Variants in DLG1 observed in about 807,000 individuals in gnomAD.
The protein encoded by DLG1 is discs large MAGUK scaffold protein 1, also known as disks large homolog 1.
In DLG1, 42 loss-of-function variants were observed where a neutral mutation model predicts 123.4. That is an observed-to-expected ratio of 0.34 (90% CI 0.27 to 0.44). The LOEUF (loss-of-function observed/expected upper bound fraction) is 0.44. Among genes scored for constraint, DLG1 ranks in the 20% least tolerant of loss-of-function variants. The probability of loss-of-function intolerance (pLI) is 1.00; values close to 1 mark genes in which losing one functional copy is unlikely to be tolerated. For synonymous variants in DLG1, 317 were observed against 356.2 expected, an observed-to-expected ratio of 0.89 and a Z score of 1.24; for missense variants, 942 against 1,082.6, an observed-to-expected ratio of 0.87 and a Z score of 1.82.
intron 18 of DLG1, among the ~76,000 whole-genome samples, chr3:197,076,215 G>A (rs977100419): frequency 2.6e-5 from 4 of 152,034 alleles, no homozygotes; most frequent in African/African-American, 4.8e-5. Context: ...TATCAGACTC[G>A]CCATGTTATA....
chr3:197,189,632 G>A (rs1040884256), intron 5 of DLG1, among the ~76,000 whole-genome samples: 3 of 152,176 alleles, frequency 2.0e-5, no homozygotes, highest in Non-Finnish European at 4.4e-5. Flanking sequence ...GACTGATCCT[G>A]TTAATACCTA....
chr3:197,061,493 T>C (rs193274282), intron 22 of DLG1, among the ~76,000 whole-genome samples: 3 of 152,326 alleles, frequency 2.0e-5, no homozygotes, highest in Non-Finnish European at 2.9e-5. Context: ...AGTAAAAAAA[T>C]GTCCTGGTCA....
At chr3:197,222,609 A>T (rs1426661132) in intron 4 of DLG1, among the ~76,000 whole-genome samples, 1 of 152,198 alleles carries the variant, frequency 6.6e-6, no homozygotes, top group African/African-American at 2.4e-5. Flanking sequence ...GCAAGGAGAT[A>T]CGAACAAGTC....
At chr3:197,128,706 T>G (rs573796152) in intron 11 of DLG1, among the ~76,000 whole-genome samples, 3 of 152,224 alleles carry the variant, frequency 2.0e-5, no homozygotes, top group Admixed American at 6.5e-5. Flanking sequence ...AATTATTCCT[T>G]GATCCATGGA....
chr3:197,297,284 A>G, intron 1 of DLG1, 49 bp from the exon 2 acceptor site: 1 of 1,604,406 alleles, frequency 6.2e-7, no homozygotes, highest in South Asian at 1.1e-5. Context: ...ATGTTAAACT[A>G]GCATTTTCCC....
intron 10 of DLG1, among the ~76,000 whole-genome samples, chr3:197,134,622 G>C (rs923131969): frequency 6.6e-6 from 1 of 152,210 alleles, no homozygotes; most frequent in Non-Finnish European, 1.5e-5. Context: ...GCTCAGTGGA[G>C]AGTCCTGACT....
At chr3:197,114,986 G>C (rs1305230861) in intron 13 of DLG1, among the ~76,000 whole-genome samples, 11 of 32,450 alleles carry the variant, frequency 3.4e-4, no homozygotes, top group Admixed American at 2.1e-3. Flanking sequence ...TCCATCTCAA[G>C]GAAAAAAAAA....
chr3:197,116,139 T>G (rs1773147462), intron 12 of DLG1, 56 bp from the exon 13 acceptor site: 2 of 1,426,074 alleles, frequency 1.4e-6, no homozygotes, highest in Non-Finnish European at 1.9e-6. Context: ...CCTGACATTC[T>G]ATCAGTGAGA....
chr3:197,186,807 G>C (rs977474583), intron 5 of DLG1, among the ~76,000 whole-genome samples: 1 of 152,068 alleles, frequency 6.6e-6, no homozygotes, highest in African/African-American at 2.4e-5. Context: ...TGAACTCCTT[G>C]GCTCAATCCA....
chr3:197,138,144 A>G, intron 9 of DLG1, 78 bp downstream of exon 9: 2 of 806,852 alleles, frequency 2.5e-6, no homozygotes, highest in Non-Finnish European at 3.6e-6. Context: ...CTTGGAATGT[A>G]TGTCACAGAT....
intron 5 of DLG1, among the ~76,000 whole-genome samples, chr3:197,184,511 C>T (rs1381509487): frequency 1.3e-5 from 2 of 152,140 alleles, no homozygotes; most frequent in East Asian, 1.9e-4. Flanking sequence ...GACTATCTAA[C>T]GATAGCGCTT....
At position 197,114,657 on chromosome 3, in the gene DLG1, G is replaced by C. The variant is rs114176069; in HGVS notation, c.1443+1270C>G. 6.6e-5 allele frequency among the ~76,000 whole-genome samples: 10 copies of C among 152,282 alleles called. No individual in the cohort carries two copies. The East Asian group carries it at 9.6e-4, about 15-fold the overall frequency. On this transcript the variant is annotated intron_variant, in intron 13 of 24. Transcript: ENST00000667157. ...TTACAATGACTAGGGAGTTTTACTA[G>C]CATGTAGCATGTATATGAAAGCTTT...
At position 197,088,783 on chromosome 3, in the gene DLG1, A is replaced by G. The variant is rs1429608785; in HGVS notation, c.1661+2129T>C. On this transcript the variant is annotated intron_variant, in intron 15 of 24. Transcript: ENST00000667157. ...AGATACAGAAAGATATTTAGTAGTA[A>G]GAATATGAAAAATCAAATAAAATGC... 2.0e-5 allele frequency among the ~76,000 whole-genome samples: 3 copies of G among 152,372 alleles called. No individual in the cohort carries two copies. The East Asian group carries it at 5.8e-4, about 29-fold the overall frequency.
At chr3:197,183,768 C>T (rs1314795351) in intron 5 of DLG1, 21 of 1,550,334 alleles carry the variant, frequency 1.4e-5, no homozygotes, top group Admixed American at 9.8e-5. Flanking sequence ...TCGACTGCCG[C>T]GAGAGTATAG....
chr3:197,075,672 A>C (rs1214967183), intron 18 of DLG1, among the ~76,000 whole-genome samples: 1 of 152,230 alleles, frequency 6.6e-6, no homozygotes, highest in African/African-American at 2.4e-5. Context: ...GTATTACAGA[A>C]ATAAAGTCCC....
intron 4 of DLG1, among the ~76,000 whole-genome samples, chr3:197,242,463 C>T (rs930688315): frequency 1.3e-5 from 2 of 151,836 alleles, no homozygotes; most frequent in Non-Finnish European, 2.9e-5. Context: ...ACAGAACATT[C>T]CACCCAACTG....
chr3:197,267,317 CAT>C (rs1762090963), intron 4 of DLG1, among the ~76,000 whole-genome samples: 1 of 152,146 alleles, frequency 6.6e-6, no homozygotes, highest in Admixed American at 6.5e-5. Flanking sequence ...AATCAGATAA[CAT>C]ATGCGAACAG....
At chr3:197,051,885 A>G (rs895299312) in intron 23 of DLG1, among the ~76,000 whole-genome samples, 3 of 126,344 alleles carry the variant, frequency 2.4e-5, no homozygotes, top group African/African-American at 3.1e-5. Flanking sequence ...ACTGTCACCC[A>G]GGCTGGAGTG....
At chr3:197,224,722 A>G (rs1738886259) in intron 4 of DLG1, among the ~76,000 whole-genome samples, 1 of 152,220 alleles carries the variant, frequency 6.6e-6, no homozygotes, top group Non-Finnish European at 1.5e-5. Context: ...GTAAAGAGGG[A>G]AAAATGCTTG....
Sources: gnomAD v4.1 joint callset for allele counts (sites outside exome capture counted in the v4.1 genomes callset) on GRCh38, gnomAD v4.1.1 for gene constraint, MANE v1.5 for transcripts, NCBI Gene and HGNC (gene_info 2026-07-23, HGNC 2026-07-21) for gene names.